Variants in CDCA7L observed in about 807,000 individuals in gnomAD.
The protein encoded by CDCA7L is cell division cycle-associated 7-like protein.
A neutral mutation model predicts 57.4 loss-of-function variants in CDCA7L; 44 were observed. That is an observed-to-expected ratio of 0.77 (90% CI 0.60 to 0.98). The LOEUF is 0.98. Among genes scored for constraint, CDCA7L ranks in the 50% least tolerant of loss-of-function variants. The pLI, the probability that CDCA7L is intolerant of heterozygous loss-of-function variation, is 0.00. For missense variants in CDCA7L, 644 were observed against 580.6 expected, an observed-to-expected ratio of 1.11 and a Z score of -1.12; for synonymous variants, 236 against 202.8, an observed-to-expected ratio of 1.16 and a Z score of -1.39.
At chr7:21,931,283 C>G (rs1207499835) in intron 1 of CDCA7L, among the ~76,000 whole-genome samples, 1 of 152,102 alleles carries the variant, frequency 6.6e-6, no homozygotes, top group African/African-American at 2.4e-5. Context: ...TTTATGAGAC[C>G]AGCATCATCC....
In CDCA7L at chr7:21,908,326, G is replaced by A; in HGVS notation, c.485C>T (p.Ser162Phe). The A allele has an allele frequency of 1.9e-6, 3 of 1,608,884 alleles. No individual in the cohort carries two copies. The highest frequency in any genetic ancestry group is 2.5e-6 in the Non-Finnish European group (3 of 1,178,738). ...TGCGCTAGAAAACAACTGCTCGGAA[G>A]AACTGTTTTTATCTGGTTTGTTGGC... ...KLANKPDKNS[S>F]SEQLFSSARL... The change falls in exon 4 of 10, where the codon TCT becomes TTT. Residue 162 changes from serine (S) to phenylalanine (F), a missense_variant. Coordinates refer to ENST00000406877, the MANE Select transcript of CDCA7L (RefSeq NM_018719.5).
At chr7:21,904,023 G>T in intron 8 of CDCA7L, 87 bp downstream of exon 8, 1 of 1,325,346 alleles carries the variant, frequency 7.5e-7, no homozygotes, top group Non-Finnish European at 1.0e-6. Flanking sequence ...GAGCTCCCTA[G>T]TTCCCAGTGA....
chr7:21,932,462 C>A (rs139301860), intron 1 of CDCA7L, among the ~76,000 whole-genome samples: 4,219 of 152,090 alleles, frequency 0.028, 191 homozygotes, highest in African/African-American at 0.095. Flanking sequence ...ATATACAGAC[C>A]AATGGAACAG....
intron 1 of CDCA7L, among the ~76,000 whole-genome samples, chr7:21,932,121 A>G (rs1039138366): frequency 3.9e-5 from 6 of 152,336 alleles, no homozygotes; most frequent in African/African-American, 1.2e-4. Flanking sequence ...CTTTAAGGAA[A>G]CTACAAACCA....
At chr7:21,922,746 A>G (rs1785692499) in intron 1 of CDCA7L, among the ~76,000 whole-genome samples, 2 of 152,266 alleles carry the variant, frequency 1.3e-5, no homozygotes, top group Admixed American at 1.3e-4. Flanking sequence ...CACAAGAGCC[A>G]AAAGGTGGAA....
At chr7:21,923,354 G>C (rs541788780) in intron 1 of CDCA7L, among the ~76,000 whole-genome samples, 5 of 152,074 alleles carry the variant, frequency 3.3e-5, no homozygotes, top group Admixed American at 3.3e-4. Context: ...CAGCTGGGTT[G>C]TGGTGGCGTG....
intron 1 of CDCA7L, among the ~76,000 whole-genome samples, chr7:21,928,073 G>A (rs1156790631): frequency 1.3e-5 from 2 of 152,164 alleles, no homozygotes; most frequent in African/African-American, 2.4e-5. Context: ...CGATCCGGCT[G>A]GCATCTGGTG....
intron 1 of CDCA7L, among the ~76,000 whole-genome samples, chr7:21,917,278 T>A (rs968628887): frequency 6.6e-6 from 1 of 152,212 alleles, no homozygotes; most frequent in Non-Finnish European, 1.5e-5. Context: ...AAAATATCAT[T>A]AAGCACTTTT....
At position 21,945,847 on chromosome 7, in the gene CDCA7L, G is replaced by A. The variant is rs770130712; in HGVS notation, c.-43C>T. 6.3e-7 allele frequency: 1 copy of A among 1,587,564 alleles called. No homozygotes were observed. The highest frequency in any genetic ancestry group is 8.6e-7 in the Non-Finnish European group (1 of 1,169,154). On this transcript the variant is annotated 5_prime_UTR_variant, in exon 1 of 10. Transcript: ENST00000406877. ...CAGTCTCCTCCCAGCACGCGGCCAC[G>A]GGAGCCCGGACTCACCACGGCCCGG...
In CDCA7L at chr7:21,904,218, G is replaced by A. The variant is rs771366579; in HGVS notation, c.1089C>T (p.Thr363=). ...CHQCRQKTID[T]KTVCRNQGCC... ...AACCCTGGTTCCGACACACTGTCTT[G>A]GTGTCGATGGTCTTTTGTCGACACT... is the stretch of plus-strand genomic sequence containing the variant. Residue 363 remains threonine (T), a synonymous_variant, in exon 8 of 10, where the codon ACC becomes ACT. Transcript: ENST00000406877. 5.1e-5 allele frequency: 83 copies of A among 1,612,932 alleles called. No individual in the cohort carries two copies. The highest frequency in any genetic ancestry group is 1.0e-4 in the Admixed American group (6 of 59,778).
intron 1 of CDCA7L, among the ~76,000 whole-genome samples, chr7:21,921,432 A>T (rs539942726): frequency 6.6e-6 from 1 of 152,094 alleles, no homozygotes; most frequent in East Asian, 1.9e-4. Context: ...AGCAAGATTT[A>T]TATGAGAAGG....
At position 21,904,266 on chromosome 7, in the gene CDCA7L, G is replaced by C; in HGVS notation, c.1048-7C>G. 1 of 1,592,030 alleles carries C rather than the reference G, an allele frequency of 6.3e-7. No homozygotes were observed. Among genetic ancestry groups the C allele is most frequent in the Middle Eastern group, 1.7e-4 (1 of 5,954 alleles). On this transcript the variant is annotated splice_region_variant and splice_polypyrimidine_tract_variant and intron_variant, in intron 7 of 9. Transcript: ENST00000406877. ...ACTGATGGCACGTGTTACCCTACAG[G>C]GGGAAGGCAGTGAGCAGGTGAACAC...
At chr7:21,908,707 T>C (rs946382451) in intron 3 of CDCA7L, among the ~76,000 whole-genome samples, 200 bp from the exon 4 acceptor site, 2 of 152,192 alleles carry the variant, frequency 1.3e-5, no homozygotes, top group African/African-American at 4.8e-5. Flanking sequence ...GCAGGCAACC[T>C]ACTACTGAAC....
At chr7:21,921,893 G>A (rs1785666832) in intron 1 of CDCA7L, among the ~76,000 whole-genome samples, 1 of 151,936 alleles carries the variant, frequency 6.6e-6, no homozygotes, top group African/African-American at 2.4e-5. Flanking sequence ...TGTCTACTCT[G>A]TCTTTATTGG....
In CDCA7L at chr7:21,906,582, G is replaced by C. The variant is rs754532598; in HGVS notation, c.739C>G (p.Pro247Ala). The C allele has an allele frequency of 2.5e-6, 4 of 1,614,128 alleles. No homozygotes were observed. The South Asian group carries it at 3.3e-5, about 13-fold the overall frequency. ...SMPDFFPVRT[P>A]TSASRKKTVR... ...GTTCTACTTACAGAAGCTGAGGTTGGGGTTCGTACTGGGAAGAAATCTGGC... is the reference window on the plus strand; with the variant it reads ...GTTCTACTTACAGAAGCTGAGGTTGCGGTTCGTACTGGGAAGAAATCTGGC... The change falls in exon 5 of 10, where the codon CCA becomes GCA. Residue 247 changes from proline to alanine, a missense_variant. Physicochemically the swap from Pro to Ala is conservative, Grantham distance 27. Transcript: ENST00000406877.
intron 4 of CDCA7L, among the ~76,000 whole-genome samples, 156 bp from the exon 5 acceptor site, chr7:21,906,795 A>G (rs180720665): frequency 6.6e-6 from 1 of 152,326 alleles, no homozygotes; most frequent in East Asian, 1.9e-4. Context: ...CCTCACATGT[A>G]AAGATTGTAC....
intron 6 of CDCA7L, 93 bp downstream of exon 6, chr7:21,906,196 C>T (rs1583842447): frequency 7.8e-7 from 1 of 1,284,670 alleles, no homozygotes; most frequent in Middle Eastern, 2.8e-4. Context: ...CCCACGGGGT[C>T]AGAACCAGCC....
intron 1 of CDCA7L, among the ~76,000 whole-genome samples, chr7:21,917,255 A>C (rs192511074): frequency 2.8e-4 from 43 of 152,324 alleles, no homozygotes; most frequent in African/African-American, 1.0e-3. Flanking sequence ...CATCTACATA[A>C]AAAAGATGCC....
chr7:21,902,388 A>G (rs1005693460), intron 9 of CDCA7L, 36 bp from the exon 10 acceptor site: 2 of 1,576,754 alleles, frequency 1.3e-6, no homozygotes, highest in Non-Finnish European at 8.7e-7. Context: ...GTAAAGTAGT[A>G]CAAATACACA....
Sources: gnomAD v4.1 joint callset for allele counts (sites outside exome capture counted in the v4.1 genomes callset) on GRCh38, gnomAD v4.1.1 for gene constraint, MANE v1.5 for transcripts, NCBI Gene and HGNC (gene_info 2026-07-23, HGNC 2026-07-21) for gene names.